The following PTPRG variants were observed in gnomAD, a reference collection of about 807,000 sequenced individuals.
The protein encoded by PTPRG is protein tyrosine phosphatase receptor type G.
PTPRG carries 102 observed loss-of-function variants against 165.3 expected under a neutral mutation model. The ratio of observed to expected loss-of-function variants is 0.62; its 90% confidence interval spans 0.53 to 0.73. PTPRG has a LOEUF of 0.73. Among genes scored for constraint, PTPRG ranks in the 30% least tolerant of loss-of-function variants. PTPRG has a pLI of 0.00. For missense variants in PTPRG, 1,866 were observed against 1,861.4 expected (o/e 1.00, Z -0.05); for synonymous variants, 675 against 669.5 (o/e 1.01, Z -0.13).
chr3:62,191,670 C>CT lies in PTPRG; in HGVS notation c.1218+18dup, dbSNP rs1559627924. The CT allele has an allele frequency of 6.2e-7, 1 of 1,610,886 alleles. No individual in the cohort carries two copies. The highest frequency in any genetic ancestry group is 8.5e-7 in the Non-Finnish European group (1 of 1,177,616). On this transcript the variant is annotated intron_variant, in intron 9 of 29. Transcript: ENST00000474889. ...AAAGACTTGGTATGAAGCCCCTCCT[C>CT]TGATTCAGGGTACATGCTGCAGAGA...
At chr3:62,045,209 A>G (rs1700250781) in intron 4 of PTPRG, among the ~76,000 whole-genome samples, 1 of 152,194 alleles carries the variant, frequency 6.6e-6, no homozygotes, top group African/African-American at 2.4e-5. Context: ...TCAATTCAGG[A>G]AGAAGTTTCC....
At chr3:61,972,701 G>T (rs1348112443) in intron 2 of PTPRG, among the ~76,000 whole-genome samples, 1 of 149,780 alleles carries the variant, frequency 6.7e-6, no homozygotes. Context: ...TGCCCAGGGT[G>T]GGGTACAGTC....
chr3:61,915,868 A>T (rs902876134), intron 2 of PTPRG, among the ~76,000 whole-genome samples: 2 of 152,220 alleles, frequency 1.3e-5, no homozygotes, highest in African/African-American at 4.8e-5. Flanking sequence ...CCAAATAGTG[A>T]CACTGAGTTT....
At chr3:62,092,439 G>GAAAAAAAAAAAAAAAAA (rs55955359) in intron 5 of PTPRG, among the ~76,000 whole-genome samples, 12 of 89,422 alleles carry the variant, frequency 1.3e-4, no homozygotes, top group Non-Finnish European at 2.1e-4. Context: ...GAGTCCATCT[G>GAAAAAAAAAAAAAAAAA]AAAAAAAAAA....
chr3:61,703,967 ACTTAT>A (rs2031115518), intron 1 of PTPRG, among the ~76,000 whole-genome samples: 2 of 152,152 alleles, frequency 1.3e-5, no homozygotes, highest in African/African-American at 4.8e-5. Flanking sequence ...ACTTTAAATA[ACTTAT>A]CTTTGTGGAC....
intron 13 of PTPRG, among the ~76,000 whole-genome samples, chr3:62,227,037 TG>T (rs1292366153): frequency 6.6e-6 from 1 of 151,998 alleles, no homozygotes; most frequent in East Asian, 1.9e-4. Flanking sequence ...CGCAAATGTG[TG>T]GGGGATTTGT....
chr3:61,727,120 T>A (rs1012843228), intron 1 of PTPRG, among the ~76,000 whole-genome samples: 1 of 151,982 alleles, frequency 6.6e-6, no homozygotes, highest in Admixed American at 6.6e-5. Context: ...TTCTGAGTGC[T>A]GTAGTTTTGA....
At chr3:62,160,438 A>T (rs1704708155) in intron 7 of PTPRG, among the ~76,000 whole-genome samples, 2 of 152,252 alleles carry the variant, frequency 1.3e-5, no homozygotes, top group African/African-American at 2.4e-5. Context: ...AGCATGGCTT[A>T]TGTGGCCCCT....
At chr3:62,074,871 G>A (rs1347887550) in intron 4 of PTPRG, among the ~76,000 whole-genome samples, 1 of 152,024 alleles carries the variant, frequency 6.6e-6, no homozygotes, top group African/African-American at 2.4e-5. Flanking sequence ...GGTGTTTTTG[G>A]AAAATAGTTT....
chr3:61,643,291 GAGACAGAGACAGAC>G (rs1702114802), intron 1 of PTPRG, among the ~76,000 whole-genome samples: 1 of 151,906 alleles, frequency 6.6e-6, no homozygotes, highest in South Asian at 2.1e-4. Context: ...GAGAGAGAGA[GAGACAGAGACAGAC>G]AGACAGAGAC....
At chr3:61,803,732 A>G (rs761970521) in intron 2 of PTPRG, among the ~76,000 whole-genome samples, 4 of 152,160 alleles carry the variant, frequency 2.6e-5, no homozygotes, top group Non-Finnish European at 4.4e-5. Context: ...ACCACCATAT[A>G]CTAGCTTTCA....
chr3:61,921,024 G>A (rs1386610250), intron 2 of PTPRG, among the ~76,000 whole-genome samples: 2 of 152,018 alleles, frequency 1.3e-5, no homozygotes, highest in African/African-American at 2.4e-5. Flanking sequence ...TTGTGTCTCA[G>A]CAAACCGTGA....
At position 61,901,817 on chromosome 3, in the gene PTPRG, C is replaced by A. The variant is rs188536485; in HGVS notation, c.191-87808C>A. 3.9e-5 allele frequency among the ~76,000 whole-genome samples: 6 copies of A among 152,312 alleles called. No individual in the cohort carries two copies. The East Asian group carries it at 1.2e-3, about 29-fold the overall frequency. ...CTCCACAATTTGTAGAATGCCATTTCTTTTTCCTTTACTTTGTAACATTGA... is the reference window on the plus strand; with the variant it reads ...CTCCACAATTTGTAGAATGCCATTTATTTTTCCTTTACTTTGTAACATTGA... On this transcript the variant is annotated intron_variant, in intron 2 of 29. Transcript: ENST00000474889.
At chr3:61,919,580 C>T (rs1300843355) in intron 2 of PTPRG, among the ~76,000 whole-genome samples, 1 of 152,052 alleles carries the variant, frequency 6.6e-6, no homozygotes, top group Non-Finnish European at 1.5e-5. Context: ...GTCACTGGTC[C>T]ATTTGGGGAG....
chr3:61,601,241 C>T (rs548889000), intron 1 of PTPRG, among the ~76,000 whole-genome samples: 8 of 152,230 alleles, frequency 5.3e-5, no homozygotes, highest in African/African-American at 1.4e-4. Context: ...GGGTGACAGA[C>T]GGGGACTCTG....
At chr3:61,960,519 G>A (rs1161942877) in intron 2 of PTPRG, among the ~76,000 whole-genome samples, 1 of 152,084 alleles carries the variant, frequency 6.6e-6, no homozygotes, top group East Asian at 1.9e-4. Context: ...AGTCTACTCT[G>A]GAGACTGAGC....
intron 4 of PTPRG, among the ~76,000 whole-genome samples, chr3:62,019,126 A>G (rs1325892897): frequency 6.6e-6 from 1 of 152,204 alleles, no homozygotes; most frequent in Admixed American, 6.5e-5. Context: ...TCTGTTTCAC[A>G]TAATTCAGGG....
intron 14 of PTPRG, among the ~76,000 whole-genome samples, chr3:62,231,714 C>CT (rs1700905995): frequency 6.6e-6 from 1 of 151,896 alleles, no homozygotes; most frequent in African/African-American, 2.4e-5. Flanking sequence ...AAAAATACCT[C>CT]TTAGAAACCT....
intron 2 of PTPRG, among the ~76,000 whole-genome samples, chr3:61,879,657 A>G (rs2037833089): frequency 6.6e-6 from 1 of 152,228 alleles, no homozygotes. Flanking sequence ...ATACAAGAGC[A>G]TGTCATCTGT....
Sources: gnomAD v4.1 joint callset for allele counts (sites outside exome capture counted in the v4.1 genomes callset) on GRCh38, gnomAD v4.1.1 for gene constraint, MANE v1.5 for transcripts, NCBI Gene and HGNC (gene_info 2026-07-23, HGNC 2026-07-21) for gene names.